The following ARRB1 variants were observed in gnomAD, a reference collection of about 807,000 sequenced individuals.
ARRB1 encodes the protein beta-arrestin-1.
In ARRB1, 21 loss-of-function variants were observed where a neutral mutation model predicts 56.8. The ratio of observed to expected loss-of-function variants is 0.37; its 90% CI spans 0.26 to 0.53. The LOEUF is 0.53. Among genes scored for constraint, ARRB1 ranks in the 20% least tolerant of loss-of-function variants. ARRB1 has a pLI of 0.88. For missense variants in ARRB1, 424 were observed against 553.7 expected (o/e 0.77, Z 2.35); for synonymous variants, 210 against 218.6 (o/e 0.96, Z 0.35).
At chr11:75,282,113 G>T in intron 5 of ARRB1, 92 bp from the exon 6 acceptor site, 1 of 1,373,322 alleles carries the variant, frequency 7.3e-7, no homozygotes, top group Non-Finnish European at 1.0e-6. Flanking sequence ...ACACCCATCA[G>T]ACCAAGGGCC....
chr11:75,283,650 C>T (rs634287), intron 4 of ARRB1, among the ~76,000 whole-genome samples, 167 bp from the exon 5 acceptor site: 1 of 152,016 alleles, frequency 6.6e-6, no homozygotes, highest in East Asian at 1.9e-4. Flanking sequence ...TAGTGAGTAC[C>T]GGAAGGATGC....
At chr11:75,346,212 C>T (rs1415904255) in intron 1 of ARRB1, among the ~76,000 whole-genome samples, 2 of 152,100 alleles carry the variant, frequency 1.3e-5, no homozygotes, top group Non-Finnish European at 2.9e-5. Flanking sequence ...CACCCAGCTC[C>T]GGGGTCACCT....
intron 1 of ARRB1, among the ~76,000 whole-genome samples, chr11:75,315,069 A>G (rs1053867525): frequency 6.6e-6 from 1 of 151,804 alleles, no homozygotes; most frequent in Non-Finnish European, 1.5e-5. Flanking sequence ...CACCACCACC[A>G]CCCCACGCTG....
At chr11:75,270,049 G>A (rs1946040877) in intron 13 of ARRB1, among the ~76,000 whole-genome samples, 1 of 152,260 alleles carries the variant, frequency 6.6e-6, no homozygotes, top group Non-Finnish European at 1.5e-5. Flanking sequence ...AATTAGAAAG[G>A]TCTGTTCCAC....
At chr11:75,349,745 G>A (rs1268447151) in intron 1 of ARRB1, among the ~76,000 whole-genome samples, 1 of 152,234 alleles carries the variant, frequency 6.6e-6, no homozygotes, top group Non-Finnish European at 1.5e-5. Context: ...TCCTACTGAG[G>A]ACAGAGGCCT....
intron 1 of ARRB1, among the ~76,000 whole-genome samples, chr11:75,346,140 G>C (rs572189950): frequency 6.6e-6 from 1 of 151,928 alleles, no homozygotes; most frequent in Non-Finnish European, 1.5e-5. Context: ...CTGCACCTTG[G>C]CCTAGGCTCT....
intron 1 of ARRB1, among the ~76,000 whole-genome samples, chr11:75,310,739 G>C (rs1947138297): frequency 6.6e-6 from 1 of 152,212 alleles, no homozygotes; most frequent in Non-Finnish European, 1.5e-5. Flanking sequence ...ATGCCACAGA[G>C]AGAGAAGGAC....
intron 1 of ARRB1, among the ~76,000 whole-genome samples, chr11:75,322,842 C>G (rs908198872): frequency 6.6e-6 from 1 of 152,072 alleles, no homozygotes; most frequent in Non-Finnish European, 1.5e-5. Context: ...CTAGATCTGC[C>G]GTTTATTAGA....
At position 75,261,206 on chromosome 11, in the gene ARRB1, G is replaced by GTGTGTGTGTGTGTGTGTGTGTGTA. The variant is rs1555149827; in HGVS notation, c.*4956_*4957insTACACACACACACACACACACACA. ...CGTGTGTGTGTGTGTGTGTGTGTGT[G>GTGTGTGTGTGTGTGTGTGTGTGTA]TGTGTGTGTGTGTGTATAAATGCTT... is the stretch of plus-strand genomic sequence containing the variant. On this transcript the variant is annotated 3_prime_UTR_variant, in exon 16 of 16. Transcript: ENST00000420843. 4.6e-5 allele frequency: 7 copies of GTGTGTGTGTGTGTGTGTGTGTGTA among 152,140 alleles called. No homozygotes were observed. Among genetic ancestry groups the GTGTGTGTGTGTGTGTGTGTGTGTA allele is most frequent in the African/African-American group, 1.5e-4 (6 of 41,276 alleles). 9.4% of individuals were successfully genotyped at this position (152,140 alleles called of 1,614,324 possible). A position where few individuals can be genotyped will look rare whatever the true frequency, so the allele number is the denominator to read the frequency against.
At chr11:75,285,006 C>T (rs942866603) in intron 3 of ARRB1, among the ~76,000 whole-genome samples, 1 of 152,176 alleles carries the variant, frequency 6.6e-6, no homozygotes, top group African/African-American at 2.4e-5. Context: ...CCATTAATAC[C>T]TCTGTAGGAA....
chr11:75,325,834 G>C (rs1320844492), intron 1 of ARRB1, among the ~76,000 whole-genome samples: 1 of 152,142 alleles, frequency 6.6e-6, no homozygotes, highest in Non-Finnish European at 1.5e-5. Context: ...TGCGTAAAGG[G>C]ACCTCTGAGA....
intron 3 of ARRB1, 176 bp from the exon 4 acceptor site, chr11:75,284,455 T>G: frequency 1.9e-6 from 1 of 527,326 alleles, no homozygotes; most frequent in Non-Finnish European, 3.3e-6. Context: ...CGCTCCACCC[T>G]TCCCCCATCC....
At chr11:75,289,711 G>A (rs1276086806) in intron 2 of ARRB1, among the ~76,000 whole-genome samples, 1 of 152,176 alleles carries the variant, frequency 6.6e-6, no homozygotes, top group Non-Finnish European at 1.5e-5. Flanking sequence ...TTACTGGTTG[G>A]CTTGTCCTCC....
intron 1 of ARRB1, among the ~76,000 whole-genome samples, chr11:75,334,185 C>G (rs1947565194): frequency 6.6e-6 from 1 of 151,812 alleles, no homozygotes; most frequent in African/African-American, 2.4e-5. Context: ...CAAAAATTAG[C>G]TGGGCGTGGT....
intron 1 of ARRB1, among the ~76,000 whole-genome samples, chr11:75,311,651 C>T (rs4944078): frequency 0.039 from 5,985 of 152,304 alleles, 178 homozygotes; most frequent in Non-Finnish European, 0.065. Flanking sequence ...CTCCCACGGC[C>T]CTCCACCTGC....
At chr11:75,325,939 G>GGCTT (rs1342688137) in intron 1 of ARRB1, among the ~76,000 whole-genome samples, 3 of 152,182 alleles carry the variant, frequency 2.0e-5, no homozygotes, top group African/African-American at 7.2e-5. Context: ...CTGACTCAGA[G>GGCTT]GCTTGGAGGT....
At chr11:75,270,145 CG>C (rs1946043857) in intron 13 of ARRB1, among the ~76,000 whole-genome samples, 1 of 152,270 alleles carries the variant, frequency 6.6e-6, no homozygotes. Context: ...TCTAGAACCA[CG>C]GGAACTTCTG....
At chr11:75,339,590 A>G (rs1182859779) in intron 1 of ARRB1, among the ~76,000 whole-genome samples, 1 of 152,150 alleles carries the variant, frequency 6.6e-6, no homozygotes, top group East Asian at 1.9e-4. Context: ...GCACTTTCCA[A>G]CCAGGTCGTG....
chr11:75,351,562 C>T (rs1466429759), intron 1 of ARRB1, 26 bp downstream of exon 1: 1 of 1,499,170 alleles, frequency 6.7e-7, no homozygotes. Context: ...CACGCGCCCC[C>T]CGCCGGGCGG....
Sources: gnomAD v4.1 joint callset for allele counts (sites outside exome capture counted in the v4.1 genomes callset) on GRCh38, gnomAD v4.1.1 for gene constraint, MANE v1.5 for transcripts, NCBI Gene and HGNC (gene_info 2026-07-23, HGNC 2026-07-21) for gene names.